The following ATRNL1 variants were observed in gnomAD, a reference collection of about 807,000 sequenced individuals.
ATRNL1 encodes the protein attractin like 1.
Under a neutral mutation model 182.7 loss-of-function variants are expected in ATRNL1, and 95 were observed. That is an observed-to-expected ratio of 0.52 (90% CI 0.44 to 0.62). ATRNL1 has a LOEUF of 0.62. ATRNL1 is among the 20% of genes least tolerant of loss of function. The pLI, the probability that ATRNL1 is intolerant of heterozygous loss-of-function variation, is 0.00. For synonymous variants in ATRNL1, 576 were observed against 568.3 expected (o/e 1.01, Z -0.19); for missense variants, 1,471 against 1,679.5 (o/e 0.88, Z 2.17).
intron 24 of ATRNL1, among the ~76,000 whole-genome samples, chr10:115,511,266 C>T (rs1554982618): frequency 6.6e-6 from 1 of 151,772 alleles, no homozygotes; most frequent in Non-Finnish European, 1.5e-5. Context: ...TTAGTAACAG[C>T]TAATTTAATC....
chr10:115,549,409 A>G, intron 25 of ATRNL1, 49 bp from the exon 26 acceptor site: 3 of 1,400,624 alleles, frequency 2.1e-6, no homozygotes, highest in South Asian at 2.6e-5. Context: ...TTTTCATTAC[A>G]TAGTTCAAAT....
chr10:115,560,218 C>T (rs1381850105), intron 26 of ATRNL1, among the ~76,000 whole-genome samples: 1 of 152,154 alleles, frequency 6.6e-6, no homozygotes, highest in Non-Finnish European at 1.5e-5. Context: ...TCCATATTCA[C>T]ACTGCTAATA....
intron 25 of ATRNL1, among the ~76,000 whole-genome samples, chr10:115,545,253 A>AAAAAG (rs1565152675): frequency 2.0e-5 from 3 of 150,564 alleles, no homozygotes; most frequent in African/African-American, 7.4e-5. Flanking sequence ...AAAAAAAAAA[A>AAAAAG]AAAAGAAAAA....
At chr10:115,232,121 A>G (rs1254411535) in intron 9 of ATRNL1, among the ~76,000 whole-genome samples, 1 of 152,180 alleles carries the variant, frequency 6.6e-6, no homozygotes, top group African/African-American at 2.4e-5. Context: ...CAGTTTGTCT[A>G]AGCTATTTAC....
intron 24 of ATRNL1, among the ~76,000 whole-genome samples, chr10:115,506,871 C>A (rs782298470): frequency 6.6e-6 from 1 of 151,990 alleles, no homozygotes; most frequent in Admixed American, 6.6e-5. Context: ...AAAATGTGAA[C>A]CCCCAAAATC....
At chr10:115,629,758 A>G (rs180721752) in intron 26 of ATRNL1, among the ~76,000 whole-genome samples, 3 of 152,154 alleles carry the variant, frequency 2.0e-5, no homozygotes, top group Non-Finnish European at 1.5e-5. Flanking sequence ...TTAACTCTTT[A>G]TTATAGTTTA....
chr10:115,642,898 A>G (rs1021080301), intron 26 of ATRNL1, among the ~76,000 whole-genome samples: 3 of 152,218 alleles, frequency 2.0e-5, no homozygotes, highest in Non-Finnish European at 4.4e-5. Context: ...GGCTCTCAAC[A>G]GAGGACTCTT....
chr10:115,376,296 T>G (rs1857667726), intron 19 of ATRNL1, among the ~76,000 whole-genome samples: 1 of 152,106 alleles, frequency 6.6e-6, no homozygotes, highest in African/African-American at 2.4e-5. Flanking sequence ...CTTTATTTAT[T>G]TATTTATTTT....
intron 28 of ATRNL1, among the ~76,000 whole-genome samples, chr10:115,850,708 G>C (rs1951034262): frequency 6.6e-6 from 1 of 152,200 alleles, no homozygotes. Context: ...CTTGGGAAAT[G>C]TGACCTTTAG....
chr10:115,642,482 G>A (rs1338358920), intron 26 of ATRNL1, among the ~76,000 whole-genome samples: 3 of 147,912 alleles, frequency 2.0e-5, no homozygotes, highest in Non-Finnish European at 4.5e-5. Flanking sequence ...TTGCTCTTGT[G>A]GCCCAGGCTA....
chr10:115,744,135 ACAT>A (rs1948221987), intron 27 of ATRNL1, among the ~76,000 whole-genome samples: 1 of 152,132 alleles, frequency 6.6e-6, no homozygotes, highest in South Asian at 2.1e-4. Flanking sequence ...TTTGAAAGAT[ACAT>A]CATAACATCT....
At chr10:115,559,664 A>G (rs1239341224) in intron 26 of ATRNL1, among the ~76,000 whole-genome samples, 2 of 152,222 alleles carry the variant, frequency 1.3e-5, no homozygotes, top group South Asian at 2.1e-4. Context: ...GAGAATCTCA[A>G]TAGATATAGA....
At chr10:115,751,234 C>G (rs1948439744) in intron 27 of ATRNL1, among the ~76,000 whole-genome samples, 1 of 151,980 alleles carries the variant, frequency 6.6e-6, no homozygotes, top group Non-Finnish European at 1.5e-5. Flanking sequence ...GCAACCTCTA[C>G]AAGCTGGAAA....
chr10:115,660,365 A>G (rs572587169), intron 26 of ATRNL1, among the ~76,000 whole-genome samples: 49 of 152,252 alleles, frequency 3.2e-4, no homozygotes, highest in Non-Finnish European at 6.2e-4. Flanking sequence ...CAAGTTTTGG[A>G]GGAAAAACCA....
chr10:115,228,676 A>G (rs1018610129), intron 9 of ATRNL1, among the ~76,000 whole-genome samples: 11 of 151,884 alleles, frequency 7.2e-5, no homozygotes, highest in Non-Finnish European at 1.3e-4. Flanking sequence ...TTTACCATTT[A>G]TAACTTTCAG....
intron 26 of ATRNL1, among the ~76,000 whole-genome samples, chr10:115,602,637 G>C (rs1305292123): frequency 6.6e-6 from 1 of 152,090 alleles, no homozygotes; most frequent in Non-Finnish European, 1.5e-5. Flanking sequence ...GCCAAGGTGG[G>C]TGGATCACAA....
chr10:115,713,675 T>TCTA (rs141719264), intron 26 of ATRNL1, among the ~76,000 whole-genome samples: 1 of 114,212 alleles, frequency 8.8e-6, no homozygotes, highest in African/African-American at 3.1e-5. Flanking sequence ...AGGTTCTGTT[T>TCTA]TCTATCTATC....
chr10:115,222,850 T>G (rs1849522701), intron 9 of ATRNL1, among the ~76,000 whole-genome samples: 1 of 152,192 alleles, frequency 6.6e-6, no homozygotes, highest in African/African-American at 2.4e-5. Flanking sequence ...GGATGGAATG[T>G]AATGAAATTA....
chr10:115,615,103 C>T (rs1215135518), intron 26 of ATRNL1, among the ~76,000 whole-genome samples: 1 of 151,828 alleles, frequency 6.6e-6, no homozygotes, highest in African/African-American at 2.4e-5. Flanking sequence ...TCCTTTGTTT[C>T]TTTCTTACTT....
Sources: gnomAD v4.1 joint callset for allele counts (sites outside exome capture counted in the v4.1 genomes callset) on GRCh38, gnomAD v4.1.1 for gene constraint, MANE v1.5 for transcripts, NCBI Gene and HGNC (gene_info 2026-07-23, HGNC 2026-07-21) for gene names.